Variants in INTS12 observed in about 807,000 individuals in gnomAD.
INTS12 encodes PHD finger protein 22.
INTS12 carries 13 observed loss-of-function variants against 41.6 expected under a neutral mutation model. The ratio of observed to expected loss-of-function variants is 0.31; its 90% CI spans 0.20 to 0.50. The LOEUF is 0.50. INTS12 is among the 20% of genes least tolerant of loss of function. The probability of loss-of-function intolerance (pLI) is 0.98; values close to 1 mark genes in which losing one functional copy is unlikely to be tolerated. For synonymous variants in INTS12, 199 were observed against 191.4 expected (o/e 1.04, Z -0.33); for missense variants, 432 against 541.6 (o/e 0.80, Z 2.01).
chr4:105,688,265 T>G (rs1264743386), intron 6 of INTS12, among the ~76,000 whole-genome samples: 1 of 152,188 alleles, frequency 6.6e-6, no homozygotes, highest in African/African-American at 2.4e-5. Flanking sequence ...TTCCATAGTC[T>G]TTGATAATCT....
In INTS12 at chr4:105,703,814, T is replaced by C. The variant is rs1346842272; in HGVS notation, c.-171-5A>G. 6.6e-6 allele frequency: 1 copy of C among 152,230 alleles called. No individual in the cohort carries two copies. Among genetic ancestry groups the C allele is most frequent in the African/African-American group, 2.4e-5 (1 of 41,446 alleles). 9.4% of individuals were successfully genotyped at this position (152,230 alleles called of 1,614,324 possible). ...TGTTTCAGTAGATGGCCTCACCTAC[T>C]TCACAAAGAGAGGCTGTCAGAGAGG... On this transcript the variant is annotated splice_polypyrimidine_tract_variant and splice_region_variant and intron_variant, in intron 1 of 7. Coordinates refer to ENST00000340139, the MANE Select transcript of INTS12 (RefSeq NM_020395.4).
rs748659163 is a variant in INTS12 at position 105,683,165 on chromosome 4, C to T, written c.957G>A (p.Gly319=). 1 of 1,613,958 alleles carries T rather than the reference C, an allele frequency of 6.2e-7. No individual in the cohort carries two copies. Among genetic ancestry groups the T allele is most frequent in the Non-Finnish European group, 8.5e-7 (1 of 1,179,980 alleles). Residue 319 remains glycine (G), a synonymous_variant, in exon 8 of 8, where the codon GGG becomes GGA. Coordinates refer to ENST00000340139, the MANE Select transcript of INTS12 (RefSeq NM_020395.4). ...KLSSTTQNNT[G]KPATSSANQK... is the part of the protein sequence containing the mutation. ...GGTTAGCTGACGAAGTAGCAGGTTT[C>T]CCAGTATTGTTTTGTGTTGTTGAAC...
rs954953578 is a variant in INTS12, at chr4:105,700,807, C to T, written c.-9-793G>A. Among the ~76,000 whole-genome samples, 3 of 150,884 alleles carry T rather than the reference C, an allele frequency of 2.0e-5. No homozygotes were observed. In the South Asian group the frequency reaches 6.2e-4, roughly 31 times the overall value. ...AATAGCCAAGATGGATAAAGATATA[C>T]ATCAAAGGCTTATGAAATTCCACAA... On this transcript the variant is annotated intron_variant, in intron 2 of 7. Transcript: ENST00000340139.
intron 1 of INTS12, among the ~76,000 whole-genome samples, chr4:105,704,620 T>A (rs1411261343): frequency 1.3e-5 from 2 of 152,224 alleles, no homozygotes; most frequent in Non-Finnish European, 2.9e-5. Context: ...TCTCCCAAGA[T>A]CCAACTGCCA....
intron 1 of INTS12, among the ~76,000 whole-genome samples, chr4:105,704,590 A>C (rs1473923275): frequency 1.3e-5 from 2 of 152,222 alleles, no homozygotes; most frequent in South Asian, 2.1e-4. Context: ...TTACTAATAC[A>C]TCTCTGCAGT....
At chr4:105,691,298 T>C (rs1352991667) in intron 6 of INTS12, among the ~76,000 whole-genome samples, 4 of 152,210 alleles carry the variant, frequency 2.6e-5, no homozygotes, top group Non-Finnish European at 4.4e-5. Context: ...AATTTCTTGT[T>C]TTCTTTAAAA....
chr4:105,684,358 T>TA (rs1333479226), intron 7 of INTS12, among the ~76,000 whole-genome samples: 1 of 152,078 alleles, frequency 6.6e-6, no homozygotes, highest in Non-Finnish European at 1.5e-5. Flanking sequence ...CACATATAGG[T>TA]AAAAGATAAA....
chr4:105,699,441 T>G (rs999136432), intron 3 of INTS12, among the ~76,000 whole-genome samples: 31 of 152,288 alleles, frequency 2.0e-4, no homozygotes, highest in African/African-American at 6.7e-4. Context: ...TCTCTTAAAT[T>G]ATCCTACCCA....
At chr4:105,694,841 T>A (rs940990812) in intron 4 of INTS12, among the ~76,000 whole-genome samples, 1 of 152,202 alleles carries the variant, frequency 6.6e-6, no homozygotes, top group Non-Finnish European at 1.5e-5. Context: ...CCAAGAATCA[T>A]CTTTGGCACT....
chr4:105,686,886 T>C (rs745937062), intron 6 of INTS12, 48 bp from the exon 7 acceptor site: 2 of 1,525,372 alleles, frequency 1.3e-6, no homozygotes, highest in South Asian at 1.1e-5. Context: ...TAACTGAATA[T>C]ACAGAAAGAT....
intron 4 of INTS12, 69 bp from the exon 5 acceptor site, chr4:105,693,555 G>A (rs567618228): frequency 4.5e-5 from 58 of 1,297,138 alleles, no homozygotes; most frequent in Non-Finnish European, 5.9e-5. Flanking sequence ...ACTGAAAGAC[G>A]AGTGAGAAGG....
chr4:105,705,236 T>C (rs1262257716), intron 1 of INTS12: 1 of 152,178 alleles, frequency 6.6e-6, no homozygotes, highest in African/African-American at 2.4e-5. Flanking sequence ...GGAATGCGAA[T>C]CCTATGTGAA....
rs1325259206 is a variant in INTS12, at chr4:105,682,732, A to T, written c.*1T>A. The stretch of plus-strand genomic sequence containing the variant: ...ATGATACAAAAACCTACTTGGCCAC[A>T]TTACTTCTTGAGTTTCTTTTGGGCA... On this transcript the variant is annotated 3_prime_UTR_variant, in exon 8 of 8. Transcript: ENST00000340139. 1 of 1,611,924 alleles carries T rather than the reference A, an allele frequency of 6.2e-7. No homozygotes were observed. The highest frequency in any genetic ancestry group is 1.7e-5 in the Admixed American group (1 of 59,858).
chr4:105,689,241 C>A (rs145606118), intron 6 of INTS12, among the ~76,000 whole-genome samples: 6 of 152,342 alleles, frequency 3.9e-5, no homozygotes, highest in African/African-American at 1.4e-4. Context: ...GGTCTTCCTA[C>A]AATGATGTGT....
chr4:105,695,638 T>C lies in INTS12; in HGVS notation c.187A>G (p.Lys63Glu). 2 of 1,613,000 alleles carry C rather than the reference T, an allele frequency of 1.2e-6. No homozygotes were observed. The highest frequency in any genetic ancestry group is 8.5e-7 in the Non-Finnish European group (1 of 1,179,760). The change falls in exon 4 of 8, where the codon AAA becomes GAA. Residue 63 changes from lysine to glutamate, a missense_variant. By Grantham distance (56) the Lys-to-Glu change is moderately conservative. Coordinates refer to ENST00000340139, the MANE Select transcript of INTS12 (RefSeq NM_020395.4). ...GGCTCTTGCTTAATGGAAATGTTTT[T>C]TGTGCTTGAAATTTTGGGTGGCTCC... Reference protein sequence around the residue: ...DVEPPKISSTKNISIKQEPKI... With the variant: ...DVEPPKISSTENISIKQEPKI...
chr4:105,701,868 T>C (rs1354075677), intron 2 of INTS12, among the ~76,000 whole-genome samples: 1 of 152,186 alleles, frequency 6.6e-6, no homozygotes, highest in Non-Finnish European at 1.5e-5. Flanking sequence ...TATTGCTATG[T>C]ATTTCTACAA....
chr4:105,687,108 A>G (rs891699884), intron 6 of INTS12: 6 of 372,580 alleles, frequency 1.6e-5, no homozygotes, highest in Middle Eastern at 7.9e-4. Flanking sequence ...ACAAGATAAA[A>G]TTGTTTTTTA....
At chr4:105,698,531 C>T (rs1731950807) in intron 3 of INTS12, among the ~76,000 whole-genome samples, 1 of 150,666 alleles carries the variant, frequency 6.6e-6, no homozygotes, top group Non-Finnish European at 1.5e-5. Flanking sequence ...GATAAACTTC[C>T]ATTTTAGAAC....
chr4:105,708,108 T>C, intron 1 of INTS12: 1 of 985,462 alleles, frequency 1.0e-6, no homozygotes, highest in South Asian at 4.7e-5. Flanking sequence ...ATGCTGCCTT[T>C]TTCATTCCTC....
Sources: gnomAD v4.1 joint callset for allele counts (sites outside exome capture counted in the v4.1 genomes callset) on GRCh38, gnomAD v4.1.1 for gene constraint, MANE v1.5 for transcripts, NCBI Gene and HGNC (gene_info 2026-07-23, HGNC 2026-07-21) for gene names.